Variants in LCP2 observed in about 807,000 individuals in gnomAD.
The protein encoded by LCP2 is 76 kDa tyrosine phosphoprotein.
Under a neutral mutation model 74.5 loss-of-function variants are expected in LCP2, and 29 were observed. The ratio of observed to expected loss-of-function variants is 0.39; its 90% CI spans 0.29 to 0.53. The LOEUF (loss-of-function observed/expected upper bound fraction) is 0.53, where lower values mean the gene tolerates loss of function less well. Among genes scored for constraint, LCP2 ranks in the 20% least tolerant of loss-of-function variants. The pLI is 0.72. For synonymous variants in LCP2, 228 were observed against 229.5 expected, an observed-to-expected ratio of 0.99 and a Z score of 0.06; for missense variants, 604 against 634.6, an observed-to-expected ratio of 0.95 and a Z score of 0.52.
chr5:170,252,207 A>G (rs1581056312), intron 19 of LCP2: 1 of 364,634 alleles, frequency 2.7e-6, no homozygotes, highest in Admixed American at 4.1e-5. Flanking sequence ...CTGCCAACCA[A>G]ATGACTGCCT....
intron 2 of LCP2, 146 bp downstream of exon 2, chr5:170,293,164 G>A (rs933705283): frequency 3.3e-5 from 24 of 730,968 alleles, no homozygotes; most frequent in African/African-American, 8.9e-5. Context: ...GAAAGGTAGT[G>A]AGAGAGGGGG....
Position 170,250,878 on chromosome 5 carries a change from G to A in LCP2, c.1331C>T (p.Thr444Ile), listed in dbSNP as rs1561965003. 1.2e-6 allele frequency: 2 copies of A among 1,613,116 alleles called. No homozygotes were observed. The highest frequency in any genetic ancestry group is 2.2e-5 in the East Asian group (1 of 44,866). Reference sequence around the variant, plus strand: ...TTTAGAGCTGTCTCTGACCAGAAATGTGCCATCCTAAAAAGACAAATTCCT... The same window carrying A: ...TTTAGAGCTGTCTCTGACCAGAAATATGCCATCCTAAAAAGACAAATTCCT... ...AALRKINQDG[T>I]FLVRDSSKKT... Residue 444 changes from threonine to isoleucine, a missense_variant, in exon 20 of 21, where the codon ACA becomes ATA. By Grantham distance (89) the Thr-to-Ile change is moderately conservative. Transcript: ENST00000046794.
At chr5:170,257,924 G>T in intron 16 of LCP2, 113 bp downstream of exon 16, 1 of 1,193,646 alleles carries the variant, frequency 8.4e-7, no homozygotes. Flanking sequence ...AAAATGTTCA[G>T]ACCCTACTAT....
At chr5:170,294,359 C>T (rs368658126) in intron 1 of LCP2, among the ~76,000 whole-genome samples, 4 of 152,264 alleles carry the variant, frequency 2.6e-5, no homozygotes, top group South Asian at 2.1e-4. Flanking sequence ...TCCATAGGAA[C>T]GAGCATTTTT....
chr5:170,275,482 C>A (rs1328175997), intron 4 of LCP2, 131 bp from the exon 5 acceptor site: 2 of 1,039,568 alleles, frequency 1.9e-6, no homozygotes, highest in East Asian at 2.4e-5. Flanking sequence ...AGGTTTGTAT[C>A]CTTGCTGCTC....
intron 3 of LCP2, among the ~76,000 whole-genome samples, chr5:170,282,315 C>T (rs949114099): frequency 6.6e-6 from 1 of 152,172 alleles, no homozygotes; most frequent in Admixed American, 6.5e-5. Context: ...GACAAATAAA[C>T]TTATGTACAA....
rs1761427213 is a variant in LCP2 at position 170,251,056 on chromosome 5, C to T, written c.1324-171G>A. 5.2e-6 allele frequency: 3 copies of T among 582,036 alleles called. No homozygotes were observed. In the South Asian group the frequency reaches 6.5e-5, roughly 13 times the overall value. 36.1% of individuals were successfully genotyped at this position (582,036 alleles called of 1,614,324 possible). The stretch of plus-strand genomic sequence containing the variant: ...GAACATTCAGTTCTCCAAACAGCTA[C>T]ATATCCCATGTGTCATGAGTTATTT... On this transcript the variant is annotated intron_variant, in intron 19 of 20. Coordinates refer to ENST00000046794, the MANE Select transcript of LCP2 (RefSeq NM_005565.5).
At position 170,275,809 on chromosome 5, in the gene LCP2, G is replaced by A. The variant is rs1236189622; in HGVS notation, c.240C>T (p.Ser80=). The A allele has an allele frequency of 1.9e-6, 3 of 1,580,260 alleles. No homozygotes were observed. In the African/African-American group the frequency reaches 4.0e-5, roughly 21 times the overall value. ...GCCGCACTCACTTGCGTGTGAAGAT[G>A]CTCCTCCTCTCTTCGTTCTTGTTGA... ...QEINKNEERR[S]IFTRKPQVPR... Residue 80 remains serine, a synonymous_variant, in exon 4 of 21, where the codon AGC becomes AGT. Coordinates refer to ENST00000046794, the MANE Select transcript of LCP2 (RefSeq NM_005565.5).
At chr5:170,259,109 T>C (rs924312140) in intron 14 of LCP2, among the ~76,000 whole-genome samples, 2 of 152,198 alleles carry the variant, frequency 1.3e-5, no homozygotes, top group African/African-American at 4.8e-5. Flanking sequence ...ACTCTCCTCA[T>C]ATACTCAGCA....
intron 8 of LCP2, chr5:170,267,321 T>TCA: frequency 1.7e-6 from 1 of 578,870 alleles, no homozygotes. Flanking sequence ...AAGCCTCCTA[T>TCA]CACATTAGAA....
intron 20 of LCP2, 25 bp from the exon 21 acceptor site, chr5:170,248,844 G>A (rs1342307862): frequency 6.2e-7 from 1 of 1,609,260 alleles, no homozygotes. Context: ...ATAGGGAGAT[G>A]AGTCAACATT....
chr5:170,251,710 T>G (rs1455678602), intron 19 of LCP2: 1 of 454,080 alleles, frequency 2.2e-6, no homozygotes, highest in Admixed American at 2.4e-5. Context: ...TGATTCACAG[T>G]CTTGGCTTCA....
rs1416816859 is a variant in LCP2, at chr5:170,274,196, C to T, written c.324+105G>A. The T allele has an allele frequency of 5.0e-6, 6 of 1,194,420 alleles. No homozygotes were observed. The Admixed American group carries it at 1.2e-4, about 24-fold the overall frequency. 74.0% of individuals were successfully genotyped at this position (1,194,420 alleles called of 1,614,324 possible). On this transcript the variant is annotated intron_variant, in intron 6 of 20. Transcript: ENST00000046794. ...TCTGGGCCCTGGGTGGGTGTGCTGG[C>T]ATCATGTTAGAGCCCCGCTTCACTT...
At position 170,267,251 on chromosome 5, in the gene LCP2, A is replaced by C. The variant is rs957733468; in HGVS notation, c.622-176T>G. On this transcript the variant is annotated intron_variant, in intron 8 of 20. Coordinates refer to ENST00000046794, the MANE Select transcript of LCP2 (RefSeq NM_005565.5). ...GCCTCCTATCTGAGCTCCCTGTTCT[A>C]GACTCTGCCACGCAAGCTCTTTTCT... The C allele has an allele frequency of 1.3e-5, 8 of 634,936 alleles. No homozygotes were observed. In the African/African-American group the frequency reaches 1.5e-4, roughly 12 times the overall value. The allele number at this position is 634,936 out of a possible 1,614,324, so 39.3% of individuals were successfully genotyped here. A position where few individuals can be genotyped will look rare whatever the true frequency, so the allele number is the denominator to read the frequency against.
Position 170,262,837 on chromosome 5 carries a change from C to G in LCP2, c.818+5G>C, listed in dbSNP as rs200849478. 1.2e-6 allele frequency: 2 copies of G among 1,614,064 alleles called. No individual in the cohort carries two copies. The highest frequency in any genetic ancestry group is 2.7e-5 in the African/African-American group (2 of 75,068). On this transcript the variant is annotated splice_donor_5th_base_variant and intron_variant, in intron 12 of 20. Transcript: ENST00000046794. ...TGTACCCTCATGTAGATGCAACAGTCTTACCTTCCCGCTGGAATCGAGGGC... is the reference window on the plus strand; with the variant it reads ...TGTACCCTCATGTAGATGCAACAGTGTTACCTTCCCGCTGGAATCGAGGGC...
chr5:170,255,252 A>T (rs1761529213), intron 17 of LCP2, among the ~76,000 whole-genome samples: 1 of 152,202 alleles, frequency 6.6e-6, no homozygotes, highest in Non-Finnish European at 1.5e-5. Context: ...TTGAAAACTT[A>T]GTGGGTGCCA....
Position 170,256,451 on chromosome 5 carries a change from C to T in LCP2, c.1150+75G>A, listed in dbSNP as rs940893309. On this transcript the variant is annotated intron_variant, in intron 17 of 20. Coordinates refer to ENST00000046794, the MANE Select transcript of LCP2 (RefSeq NM_005565.5). The surrounding 1 kb of genome is among the most constrained non-coding windows in gnomAD (Gnocchi z 4.5). ...GAAACAATAAAACCTTTGTCGAAAGCTTTTGGGACAGGTTAGGGATCCAGT... is the reference window on the plus strand; with the variant it reads ...GAAACAATAAAACCTTTGTCGAAAGTTTTTGGGACAGGTTAGGGATCCAGT... 8.4e-6 allele frequency: 10 copies of T among 1,186,882 alleles called. No individual in the cohort carries two copies. The highest frequency in any genetic ancestry group is 1.3e-5 in the Non-Finnish European group (10 of 793,272). 73.5% of individuals were successfully genotyped at this position (1,186,882 alleles called of 1,614,324 possible). A position where few individuals can be genotyped will look rare whatever the true frequency, so the allele number is the denominator to read the frequency against.
rs138794768 is a variant in LCP2 at position 170,256,377 on chromosome 5, A to G, written c.1150+149T>C. On this transcript the variant is annotated intron_variant, in intron 17 of 20. Transcript: ENST00000046794. The surrounding 1 kb of genome is among the most constrained non-coding windows in gnomAD (Gnocchi z 4.5). ...CTATCATTCCGACAGCCCTTGGCACACTGCAGACACGGAATTAAATGTTGA... is the reference window on the plus strand; with the variant it reads ...CTATCATTCCGACAGCCCTTGGCACGCTGCAGACACGGAATTAAATGTTGA... 199 of 675,042 alleles carry G rather than the reference A, an allele frequency of 2.9e-4. 1 individual carries two copies. The highest frequency in any genetic ancestry group is 6.7e-4 in the South Asian group (39 of 58,094). The allele number at this position is 675,042 out of a possible 1,614,324, so 41.8% of individuals were successfully genotyped here.
At chr5:170,261,855 C>A (rs1761661076) in intron 13 of LCP2, among the ~76,000 whole-genome samples, 1 of 152,230 alleles carries the variant, frequency 6.6e-6, no homozygotes, top group Non-Finnish European at 1.5e-5. Context: ...CACACATCAT[C>A]ATCTCATTCT....
Sources: gnomAD v4.1 joint callset for allele counts (sites outside exome capture counted in the v4.1 genomes callset) on GRCh38, gnomAD v4.1.1 for gene constraint, Gnocchi (gnomAD v3.1) non-coding constraint, MANE v1.5 for transcripts, NCBI Gene and HGNC (gene_info 2026-07-23, HGNC 2026-07-21) for gene names.